Variants in CEP85L observed in about 807,000 individuals in gnomAD.
CEP85L encodes centrosomal protein of 85 kDa-like.
A neutral mutation model predicts 100.3 loss-of-function variants in CEP85L; 60 were observed. That is an observed-to-expected ratio of 0.60 (90% CI 0.49 to 0.74). The LOEUF is 0.74. CEP85L is among the 30% of genes least tolerant of loss of function. The pLI, the probability that CEP85L is intolerant of heterozygous loss-of-function variation, is 0.00. For synonymous variants in CEP85L, 319 were observed against 322.7 expected (o/e 0.99, Z 0.12); for missense variants, 973 against 936.2 (o/e 1.04, Z -0.51).
intron 2 of CEP85L, among the ~76,000 whole-genome samples, chr6:118,600,451 T>C (rs1562298260): frequency 6.6e-6 from 1 of 151,204 alleles, no homozygotes; most frequent in Non-Finnish European, 1.5e-5. Flanking sequence ...CCCTCTGCTG[T>C]AGGTGGGACT....
intron 5 of CEP85L, chr6:118,502,210 G>C (rs1265327947): frequency 1.4e-6 from 1 of 733,578 alleles, no homozygotes; most frequent in Non-Finnish European, 2.3e-6. Context: ...TTTGAATTAT[G>C]GACCCTGGAG....
Position 118,682,770 on chromosome 6 carries a change from T to TAC in CEP85L, c.-28+27265_-28+27266insGT, listed in dbSNP as rs1562357410. Among the ~76,000 whole-genome samples the TAC allele has an allele frequency of 5.0e-3, 435 of 87,408 alleles. 3 individuals are homozygous for TAC. The highest frequency in any genetic ancestry group is 0.021 in the Middle Eastern group (3 of 146). 57.3% of individuals were successfully genotyped at this position (87,408 alleles called of 152,430 possible). On this transcript the variant is annotated intron_variant, in intron 1 of 13. Coordinates refer to the CEP85L transcript ENST00000368488. Reference sequence around the variant, plus strand: ...TGAAATATGCATGCATGCCTGAGCATGCACACACACACACACACACACACA... The same window carrying TAC: ...TGAAATATGCATGCATGCCTGAGCATACGCACACACACACACACACACACACA...
intron 2 of CEP85L, among the ~76,000 whole-genome samples, chr6:118,626,154 GC>G (rs775438027): frequency 1.3e-5 from 2 of 152,154 alleles, no homozygotes; most frequent in African/African-American, 4.8e-5. Context: ...GGCTTGGAAA[GC>G]TGTAAAACTC....
Position 118,709,387 on chromosome 6 carries a change from T to G in CEP85L, c.-28+649A>C, listed in dbSNP as rs114332569. Among the ~76,000 whole-genome samples, 559 of 152,238 alleles carry G rather than the reference T, an allele frequency of 3.7e-3. 5 individuals carry two copies. Among genetic ancestry groups the G allele is most frequent in the African/African-American group, 0.013 (531 of 41,524 alleles). On this transcript the variant is annotated intron_variant, in intron 1 of 13. Coordinates refer to the CEP85L transcript ENST00000368488. ...CAGGAGTTGAGTGTGTACGCCAGAT[T>G]GGGAAGTGACACATGCTGGCATTTC...
intron 2 of CEP85L, among the ~76,000 whole-genome samples, chr6:118,619,228 G>A (rs950942901): frequency 9.9e-5 from 15 of 152,008 alleles, no homozygotes; most frequent in South Asian, 2.1e-4. Flanking sequence ...GGACAAGTTC[G>A]ACCCTGAGAC....
rs1192146677 is a variant in CEP85L, at chr6:118,470,567, ATTTC to A, written c.1988_1991del (p.Arg663MetfsTer5). 6.9e-6 allele frequency: 11 copies of A among 1,604,876 alleles called. No individual in the cohort carries two copies. Among genetic ancestry groups the A allele is most frequent in the South Asian group, 2.2e-5 (2 of 89,784 alleles). The stretch of plus-strand genomic sequence containing the variant: ...GCAATGCTTTTGTTAATCTCTGTAC[ATTTC>A]TTTCTTTCTTTTCCAGCTCTTCCAT... On this transcript the variant is annotated frameshift_variant, in exon 11 of 13. Coordinates refer to ENST00000368491, the MANE Select transcript of CEP85L (RefSeq NM_001042475.3). LOFTEE classifies it high-confidence loss of function.
chr6:118,475,739 T>C (rs990709631), intron 10 of CEP85L, among the ~76,000 whole-genome samples: 1 of 152,144 alleles, frequency 6.6e-6, no homozygotes, highest in Middle Eastern at 3.2e-3. Flanking sequence ...TATAAGTATA[T>C]CTACCAAAAT....
chr6:118,502,278 T>G lies in CEP85L; in HGVS notation c.1257+9020A>C, dbSNP rs116830129. ...TGAATATCAGCAAGGATAATTCAGA[T>G]TTAATCTATGCAATCTATGGGGGAA... is the stretch of plus-strand genomic sequence containing the variant. On this transcript the variant is annotated intron_variant, in intron 5 of 12. Coordinates refer to ENST00000368491, the MANE Select transcript of CEP85L (RefSeq NM_001042475.3). 1.3e-3 allele frequency: 740 copies of G among 552,826 alleles called. 4 individuals carry two copies. Among genetic ancestry groups the G allele is most frequent in the African/African-American group, 0.013 (679 of 52,588 alleles). The allele number at this position is 552,826 out of a possible 1,614,324, so 34.2% of individuals were successfully genotyped here.
chr6:118,608,609 T>C (rs1324433455), intron 2 of CEP85L, among the ~76,000 whole-genome samples: 1 of 152,160 alleles, frequency 6.6e-6, no homozygotes, highest in Non-Finnish European at 1.5e-5. Context: ...AAATCTGAGG[T>C]AGGGATCTAC....
At chr6:118,703,589 G>A (rs1230189565) in intron 1 of CEP85L, among the ~76,000 whole-genome samples, 2 of 152,156 alleles carry the variant, frequency 1.3e-5, no homozygotes, top group African/African-American at 4.8e-5. Flanking sequence ...AATCTCTATG[G>A]GAGTGAAATA....
intron 1 of CEP85L, among the ~76,000 whole-genome samples, chr6:118,708,039 A>G (rs1048979893): frequency 2.0e-5 from 3 of 152,204 alleles, no homozygotes; most frequent in African/African-American, 7.2e-5. Flanking sequence ...ATAGACTTCA[A>G]CCGACAAACC....
chr6:118,538,410 T>A (rs1451543510), intron 3 of CEP85L, among the ~76,000 whole-genome samples: 1 of 151,848 alleles, frequency 6.6e-6, no homozygotes, highest in Non-Finnish European at 1.5e-5. Flanking sequence ...TAAATATATA[T>A]ATAAAAAACA....
chr6:118,605,461 C>T (rs1282929430), intron 2 of CEP85L, among the ~76,000 whole-genome samples: 1 of 152,162 alleles, frequency 6.6e-6, no homozygotes, highest in Non-Finnish European at 1.5e-5. Flanking sequence ...TATTTCCTAC[C>T]TAGTTATTAC....
At chr6:118,623,569 G>A (rs1773586769) in intron 2 of CEP85L, among the ~76,000 whole-genome samples, 1 of 152,146 alleles carries the variant, frequency 6.6e-6, no homozygotes, top group Non-Finnish European at 1.5e-5. Flanking sequence ...AAGTCGAAAA[G>A]GCAAATGAAA....
intron 3 of CEP85L, among the ~76,000 whole-genome samples, chr6:118,557,574 G>A (rs1372002165): frequency 6.6e-6 from 1 of 152,172 alleles, no homozygotes; most frequent in Non-Finnish European, 1.5e-5. Context: ...GTCCTGGGTT[G>A]AGTGTGAGTG....
rs544748048 is a variant in CEP85L, at chr6:118,612,201, T to C, written c.232+20252A>G. Among the ~76,000 whole-genome samples, 7 of 151,948 alleles carry C rather than the reference T, an allele frequency of 4.6e-5. No homozygotes were observed. The South Asian group carries it at 6.2e-4, about 14-fold the overall frequency. ...GACAGCAGGAAAATCTCCAAACACT[T>C]TGAAACTAAACAACACACTTACAGT... On this transcript the variant is annotated intron_variant, in intron 2 of 12. Transcript: ENST00000368491.
At chr6:118,658,283 A>G (rs530553102) in intron 1 of CEP85L, among the ~76,000 whole-genome samples, 6 of 152,358 alleles carry the variant, frequency 3.9e-5, no homozygotes, top group African/African-American at 1.4e-4. Context: ...TAGAGATATT[A>G]TTATTCATCT....
At chr6:118,672,349 A>G (rs1776334118) in intron 1 of CEP85L, among the ~76,000 whole-genome samples, 1 of 152,072 alleles carries the variant, frequency 6.6e-6, no homozygotes, top group African/African-American at 2.4e-5. Flanking sequence ...GATATATTAT[A>G]TTATTCTTTT....
At chr6:118,706,225 C>G (rs1777589361) in intron 1 of CEP85L, among the ~76,000 whole-genome samples, 1 of 152,296 alleles carries the variant, frequency 6.6e-6, no homozygotes, top group East Asian at 1.9e-4. Context: ...GATAGAAGAA[C>G]AGTGGTTTTC....
Sources: allele counts gnomAD v4.1 joint callset (sites outside exome capture counted in the v4.1 genomes callset), GRCh38; gene constraint gnomAD v4.1.1; transcripts MANE v1.5; gene names NCBI Gene and HGNC (gene_info 2026-07-23, HGNC 2026-07-21).